PRKCB: variants seen among roughly 807,000 people sequenced by gnomAD.
The protein encoded by PRKCB is protein kinase C beta type.
A neutral mutation model predicts 81.5 loss-of-function variants in PRKCB; 13 were observed. The ratio of observed to expected loss-of-function variants is 0.16; its 90% CI spans 0.10 to 0.25. PRKCB has a LOEUF of 0.25. PRKCB is among the 10% of genes least tolerant of loss of function. The probability of loss-of-function intolerance (pLI) is 1.00; values close to 1 mark genes in which losing one functional copy is unlikely to be tolerated. For missense variants in PRKCB, 509 were observed against 875.7 expected, an observed-to-expected ratio of 0.58 and a Z score of 5.29; for synonymous variants, 335 against 321.4, an observed-to-expected ratio of 1.04 and a Z score of -0.45.
chr16:24,148,500 G>A (rs1026826692), intron 9 of PRKCB, among the ~76,000 whole-genome samples: 1 of 152,194 alleles, frequency 6.6e-6, no homozygotes, highest in Non-Finnish European at 1.5e-5. Context: ...TCTTCTAGGT[G>A]CTGGATAAAA....
intron 2 of PRKCB, among the ~76,000 whole-genome samples, chr16:23,866,522 A>T (rs1050383261): frequency 1.3e-5 from 2 of 152,194 alleles, no homozygotes; most frequent in African/African-American, 4.8e-5. Flanking sequence ...GGTGTCTCTT[A>T]TAGAACTCTG....
chr16:24,209,304 G>A (rs1028115627), intron 16 of PRKCB, among the ~76,000 whole-genome samples: 12 of 148,530 alleles, frequency 8.1e-5, no homozygotes, highest in African/African-American at 3.1e-4. Context: ...TGTCTGCTCT[G>A]CCTCCCCTTT....
chr16:24,106,118 A>G (rs1006376918), intron 7 of PRKCB, among the ~76,000 whole-genome samples: 3 of 79,392 alleles, frequency 3.8e-5, no homozygotes, highest in Non-Finnish European at 8.1e-5. Flanking sequence ...GCAAAAAACA[A>G]AAAACAAAAA....
At chr16:23,844,958 C>T (rs1216210025) in intron 2 of PRKCB, among the ~76,000 whole-genome samples, 4 of 152,108 alleles carry the variant, frequency 2.6e-5, no homozygotes, top group East Asian at 1.9e-4. Context: ...CCCACCACCT[C>T]GCCCAGCTAA....
chr16:24,066,447 T>A (rs1313734391), intron 5 of PRKCB, among the ~76,000 whole-genome samples: 1 of 152,202 alleles, frequency 6.6e-6, no homozygotes, highest in Non-Finnish European at 1.5e-5. Context: ...ATAAACTTTT[T>A]ATTTTAGAAT....
intron 9 of PRKCB, among the ~76,000 whole-genome samples, chr16:24,134,851 G>A (rs1966859753): frequency 1.3e-5 from 2 of 151,990 alleles, no homozygotes; most frequent in African/African-American, 4.8e-5. Context: ...GTTCGAGGCT[G>A]AAGTGGCTAT....
At chr16:23,888,648 C>G (rs1963240886) in intron 2 of PRKCB, among the ~76,000 whole-genome samples, 1 of 150,616 alleles carries the variant, frequency 6.6e-6, no homozygotes. Flanking sequence ...ATCCTCCCTC[C>G]CTCTGCCACC....
At chr16:24,098,264 A>G (rs1356529214) in intron 7 of PRKCB, 1 of 152,250 alleles carries the variant, frequency 6.6e-6, no homozygotes, top group Non-Finnish European at 1.5e-5. Context: ...TTGGCCAAAG[A>G]TTTCCTTAGC....
intron 2 of PRKCB, among the ~76,000 whole-genome samples, chr16:23,924,072 C>T (rs1963863903): frequency 6.6e-6 from 1 of 152,072 alleles, no homozygotes; most frequent in African/African-American, 2.4e-5. Flanking sequence ...CCATAATCCC[C>T]ATGTGTCTAG....
intron 12 of PRKCB, among the ~76,000 whole-genome samples, chr16:24,177,255 G>A (rs1266430312): frequency 6.6e-6 from 1 of 152,192 alleles, no homozygotes; most frequent in African/African-American, 2.4e-5. Flanking sequence ...TGGGATCCAT[G>A]GATCCGGCTC....
chr16:24,080,571 T>C (rs1966237330), intron 5 of PRKCB, among the ~76,000 whole-genome samples: 1 of 152,122 alleles, frequency 6.6e-6, no homozygotes, highest in Non-Finnish European at 1.5e-5. Flanking sequence ...AGCGTACATA[T>C]GGGACATCCA....
At chr16:24,061,165 A>G in intron 5 of PRKCB, among the ~76,000 whole-genome samples, 1 of 152,060 alleles carries the variant, frequency 6.6e-6, no homozygotes, top group East Asian at 1.9e-4. Context: ...AATTCAAGCA[A>G]TTCTTATGCC....
At chr16:23,901,377 G>A (rs1334525465) in intron 2 of PRKCB, among the ~76,000 whole-genome samples, 1 of 152,106 alleles carries the variant, frequency 6.6e-6, no homozygotes, top group Admixed American at 6.5e-5. Flanking sequence ...GGCGCCTGCT[G>A]CTTGATTGGG....
chr16:23,839,024 A>G lies in PRKCB; in HGVS notation c.205+1618A>G, dbSNP rs550304320. Among the ~76,000 whole-genome samples the G allele has an allele frequency of 3.5e-4, 53 of 152,232 alleles. 1 individual carries two copies. The highest frequency in any genetic ancestry group is 1.2e-3 in the African/African-American group (50 of 41,530). On this transcript the variant is annotated intron_variant, in intron 2 of 16. Transcript: ENST00000643927. ...TTGAGGTTGCCTTTCACTTCCATGA[A>G]TCAGTTTCAGTCTTTGTCTCTTGCT... is the stretch of plus-strand genomic sequence containing the variant.
intron 15 of PRKCB, among the ~76,000 whole-genome samples, chr16:24,187,760 C>G (rs1263502352): frequency 1.3e-5 from 2 of 152,142 alleles, no homozygotes; most frequent in Admixed American, 6.5e-5. Context: ...CTCACTGCAG[C>G]CTTGATCTCC....
chr16:23,849,703 A>G lies in PRKCB; in HGVS notation c.205+12297A>G, dbSNP rs545761791. Among the ~76,000 whole-genome samples, 24 of 152,220 alleles carry G rather than the reference A, an allele frequency of 1.6e-4. 1 individual carries two copies. In the South Asian group the frequency reaches 4.1e-3, roughly 26 times the overall value. On this transcript the variant is annotated intron_variant, in intron 2 of 16. Coordinates refer to ENST00000643927, the MANE Select transcript of PRKCB (RefSeq NM_002738.7). ...GTGGCTAGCTTTTTTTAAAAAAACT[A>G]TTAATATTATTTTTGATTGACAAAT... is the stretch of plus-strand genomic sequence containing the variant.
At chr16:23,896,114 G>T (rs1963374545) in intron 2 of PRKCB, among the ~76,000 whole-genome samples, 3 of 147,676 alleles carry the variant, frequency 2.0e-5, no homozygotes, top group African/African-American at 2.5e-5. Flanking sequence ...TTTGGCAAGT[G>T]TTTACTTCTT....
At chr16:23,880,978 C>T (rs374052043) in intron 2 of PRKCB, among the ~76,000 whole-genome samples, 2 of 152,050 alleles carry the variant, frequency 1.3e-5, no homozygotes, top group Admixed American at 6.6e-5. Context: ...AGGTGCCCTC[C>T]GGATGGTCAT....
chr16:24,160,439 G>T (rs1200148119), intron 10 of PRKCB, among the ~76,000 whole-genome samples: 1 of 152,148 alleles, frequency 6.6e-6, no homozygotes, highest in Non-Finnish European at 1.5e-5. Flanking sequence ...GCCTGGATCT[G>T]CAGAGCAGGG....
Sources: allele counts gnomAD v4.1 joint callset (sites outside exome capture counted in the v4.1 genomes callset), GRCh38; gene constraint gnomAD v4.1.1; transcripts MANE v1.5; gene names NCBI Gene and HGNC (gene_info 2026-07-23, HGNC 2026-07-21).